COP1: variants seen among roughly 807,000 people sequenced by gnomAD.
COP1 encodes the protein COP1 E3 ubiquitin ligase.
A neutral mutation model predicts 101.3 loss-of-function variants in COP1; 24 were observed. That is an observed-to-expected ratio of 0.24 (90% CI 0.17 to 0.33). COP1 has a LOEUF of 0.33. Among genes scored for constraint, COP1 ranks in the 10% least tolerant of loss-of-function variants. The pLI, the probability that COP1 is intolerant of heterozygous loss-of-function variation, is 1.00. For missense variants in COP1, 663 were observed against 906.2 expected (o/e 0.73, Z 3.45); for synonymous variants, 347 against 341.9 (o/e 1.01, Z -0.17).
At chr1:176,122,623 G>A (rs182659591) in intron 8 of COP1, among the ~76,000 whole-genome samples, 1 of 152,184 alleles carries the variant, frequency 6.6e-6, no homozygotes, top group African/African-American at 2.4e-5. Context: ...AACTTCCCCA[G>A]CACCTCTTGT....
intron 15 of COP1, among the ~76,000 whole-genome samples, chr1:176,012,669 C>A (rs7545639): frequency 0.75 from 113,994 of 151,634 alleles, 44,717 homozygotes; most frequent in East Asian, 0.92. Flanking sequence ...AAAGGTGTAC[C>A]ATTTTTTTTT....
intron 5 of COP1, among the ~76,000 whole-genome samples, chr1:176,156,252 G>C (rs1693430503): frequency 6.6e-6 from 1 of 151,968 alleles, no homozygotes; most frequent in South Asian, 2.1e-4. Flanking sequence ...TGGGAGAAAA[G>C]GCCTTTTGTG....
intron 5 of COP1, among the ~76,000 whole-genome samples, chr1:176,151,770 C>A (rs566245443): frequency 5.9e-5 from 9 of 152,180 alleles, no homozygotes; most frequent in African/African-American, 2.2e-4. Flanking sequence ...GATGTCTTTC[C>A]AACTGGGAGA....
chr1:176,142,800 A>G (rs1272459659), intron 6 of COP1, among the ~76,000 whole-genome samples: 2 of 152,046 alleles, frequency 1.3e-5, no homozygotes, highest in Non-Finnish European at 2.9e-5. Flanking sequence ...AAATATAATG[A>G]AAATTAGAAA....
chr1:175,977,289 T>C (rs1409903330), intron 18 of COP1, among the ~76,000 whole-genome samples: 1 of 152,160 alleles, frequency 6.6e-6, no homozygotes, highest in East Asian at 1.9e-4. Flanking sequence ...CATATTCATC[T>C]TTCAGTTGGC....
chr1:176,188,034 C>A (rs1019878378), intron 1 of COP1, among the ~76,000 whole-genome samples: 1 of 151,950 alleles, frequency 6.6e-6, no homozygotes, highest in Non-Finnish European at 1.5e-5. Context: ...CAGGCAGATC[C>A]AGAGAGCAGG....
chr1:175,947,325 C>T (rs1649302511), intron 18 of COP1, 86 bp from the exon 19 acceptor site: 10 of 866,880 alleles, frequency 1.2e-5, no homozygotes, highest in Non-Finnish European at 1.7e-5. Context: ...ATCCTTCTTT[C>T]TTCACTTCAA....
intron 9 of COP1, among the ~76,000 whole-genome samples, chr1:176,092,892 T>C (rs1046263446): frequency 2.0e-5 from 3 of 152,172 alleles, no homozygotes; most frequent in East Asian, 3.9e-4. Flanking sequence ...TCTGGAGACA[T>C]GTACAAAGAT....
rs376482875 is a variant in COP1 at position 176,194,897 on chromosome 1, G to A, written c.408-10205C>T. Among the ~76,000 whole-genome samples the A allele has an allele frequency of 7.3e-5, 11 of 150,392 alleles. No individual in the cohort carries two copies. The East Asian group carries it at 1.8e-3, about 24-fold the overall frequency. ...TTGAGATCAGCCTGAGCACCATGGC[G>A]AGACCCTGTCTCTACAAAATAAAAT... On this transcript the variant is annotated intron_variant, in intron 1 of 19. Coordinates refer to ENST00000367669, the MANE Select transcript of COP1 (RefSeq NM_022457.7).
intron 15 of COP1, among the ~76,000 whole-genome samples, chr1:176,012,928 G>A (rs544422519): frequency 1.3e-5 from 2 of 152,196 alleles, no homozygotes; most frequent in South Asian, 4.1e-4. Context: ...TGAGCAACAC[G>A]TGATTGCATT....
At chr1:176,078,809 CA>C (rs1251456664) in intron 11 of COP1, among the ~76,000 whole-genome samples, 2 of 151,208 alleles carry the variant, frequency 1.3e-5, no homozygotes. Flanking sequence ...CTGTGAAAAA[CA>C]AAAAAATCCA....
chr1:176,195,792 CCAAATACCA>C (rs1452068881), intron 1 of COP1, among the ~76,000 whole-genome samples: 4 of 152,110 alleles, frequency 2.6e-5, no homozygotes, highest in Admixed American at 6.5e-5. Context: ...AAACAGAAAA[CCAAATACCA>C]CATGTTCTCA....
intron 15 of COP1, among the ~76,000 whole-genome samples, chr1:176,000,729 C>CA (rs1443052876): frequency 6.8e-6 from 1 of 147,028 alleles, no homozygotes; most frequent in East Asian, 2.0e-4. Flanking sequence ...TGCAATGTTG[C>CA]TTTTTTTTTT....
rs534741001 is a variant in COP1, at chr1:176,035,249, G to C, written c.1613-7561C>G. ...GATAGAAGTACTCAGAGAATATATA[G>C]AAACTATTTTTTTTTTAAAAAGAAT... On this transcript the variant is annotated intron_variant, in intron 14 of 19. Transcript: ENST00000367669. Among the ~76,000 whole-genome samples, 240 of 150,516 alleles carry C rather than the reference G, an allele frequency of 1.6e-3. 1 individual carries two copies. The highest frequency in any genetic ancestry group is 3.1e-3 in the Non-Finnish European group (206 of 67,540).
At chr1:176,077,099 A>G (rs1336237294) in intron 11 of COP1, among the ~76,000 whole-genome samples, 1 of 152,192 alleles carries the variant, frequency 6.6e-6, no homozygotes, top group Admixed American at 6.5e-5. Context: ...AAAATCAAGG[A>G]GGGGCTTCTC....
chr1:175,992,778 G>A (rs936185011), intron 15 of COP1, among the ~76,000 whole-genome samples: 1 of 152,202 alleles, frequency 6.6e-6, no homozygotes, highest in Non-Finnish European at 1.5e-5. Context: ...CACAGCTCAA[G>A]GAGGCCTGCC....
chr1:175,999,285 CCTT>C (rs1460707903), intron 15 of COP1, among the ~76,000 whole-genome samples: 2 of 152,022 alleles, frequency 1.3e-5, no homozygotes, highest in Non-Finnish European at 1.5e-5. Context: ...TGGTAACCAT[CCTT>C]CTACTCTCTA....
At chr1:176,047,479 G>A (rs1314573517) in intron 11 of COP1, among the ~76,000 whole-genome samples, 2 of 152,240 alleles carry the variant, frequency 1.3e-5, no homozygotes, top group South Asian at 4.1e-4. Flanking sequence ...TAATTACTAT[G>A]CTTTATTACA....
At chr1:175,962,779 G>T (rs946373832) in intron 18 of COP1, among the ~76,000 whole-genome samples, 2 of 152,024 alleles carry the variant, frequency 1.3e-5, no homozygotes, top group African/African-American at 4.8e-5. Context: ...TGGGCACCTA[G>T]AGTCATCTCC....
Sources: allele counts gnomAD v4.1 joint callset (sites outside exome capture counted in the v4.1 genomes callset), GRCh38; gene constraint gnomAD v4.1.1; transcripts MANE v1.5; gene names NCBI Gene and HGNC (gene_info 2026-07-23, HGNC 2026-07-21).